Variants in TFB1M observed in about 807,000 individuals in gnomAD.
TFB1M encodes the protein transcription factor B1, mitochondrial, also known as dimethyladenosine transferase 1, mitochondrial.
Under a neutral mutation model 31.1 loss-of-function variants are expected in TFB1M, and 27 were observed. That is an observed-to-expected ratio of 0.87 (90% CI 0.64 to 1.20). TFB1M has a LOEUF of 1.20. TFB1M is among the 50% of genes most tolerant of loss of function. The probability of loss-of-function intolerance (pLI) is 0.00; values close to 1 mark genes in which losing one functional copy is unlikely to be tolerated. For synonymous variants in TFB1M, 166 were observed against 151.8 expected (o/e 1.09, Z -0.69); for missense variants, 394 against 418.7 (o/e 0.94, Z 0.51).
At chr6:155,288,390 C>T (rs962857709) in intron 4 of TFB1M, among the ~76,000 whole-genome samples, 2 of 151,984 alleles carry the variant, frequency 1.3e-5, no homozygotes, top group Non-Finnish European at 2.9e-5. Flanking sequence ...CATACAGCTA[C>T]AAAAAATGAC....
Position 155,257,714 on chromosome 6 carries a change from A to ATAAG in TFB1M, c.*118_*121dup. On this transcript the variant is annotated 3_prime_UTR_variant, in exon 7 of 7. Coordinates refer to ENST00000367166, the MANE Select transcript of TFB1M (RefSeq NM_016020.4). ...TGCCAAGCTGTATAGTAAAAGGAAAATAAGTCACATCTGGTCATTGGCATT... is the reference window on the plus strand; with the variant it reads ...TGCCAAGCTGTATAGTAAAAGGAAAATAAGTAAGTCACATCTGGTCATTGGCATT... 1 of 1,208,716 alleles carries ATAAG rather than the reference A, an allele frequency of 8.3e-7. No individual in the cohort carries two copies. The highest frequency in any genetic ancestry group is 1.5e-5 in the African/African-American group (1 of 65,820). The allele number at this position is 1,208,716 out of a possible 1,614,324, so 74.9% of individuals were successfully genotyped here.
intron 5 of TFB1M, chr6:155,276,277 A>G (rs1785209973): frequency 6.2e-7 from 1 of 1,614,060 alleles, no homozygotes; most frequent in Non-Finnish European, 8.5e-7. Context: ...CCTCCTGTAT[A>G]AAAAGGAATC....
At position 155,257,651 on chromosome 6, in the gene TFB1M, G is replaced by A. The variant is rs1276822894; in HGVS notation, c.*185C>T. On this transcript the variant is annotated 3_prime_UTR_variant, in exon 7 of 7. Transcript: ENST00000367166. ...TCTATACAGTATATATTAAAAGAAA[G>A]CTTGTACTGTATCTTATTTGATGAT... The A allele has an allele frequency of 1.6e-6, 1 of 638,212 alleles. No homozygotes were observed. The highest frequency in any genetic ancestry group is 2.8e-5 in the East Asian group (1 of 35,670). The allele number at this position is 638,212 out of a possible 1,614,324, so 39.5% of individuals were successfully genotyped here.
chr6:155,242,992 C>T, the TFB1M span, among the ~76,000 whole-genome samples: 3 of 152,002 alleles, frequency 2.0e-5, no homozygotes, highest in East Asian at 5.8e-4. Flanking sequence ...ATCCACCCGC[C>T]TCTGCCTCCC....
intron 5 of TFB1M, among the ~76,000 whole-genome samples, chr6:155,283,505 C>G (rs1344406656): frequency 6.6e-6 from 1 of 152,114 alleles, no homozygotes; most frequent in African/African-American, 2.4e-5. Flanking sequence ...TGGCCTTAAT[C>G]CCAGAGAAGG....
chr6:155,244,173 C>T, the TFB1M span: 6 of 1,207,292 alleles, frequency 5.0e-6, no homozygotes, highest in Non-Finnish European at 7.3e-6. Flanking sequence ...TCTGTTGATC[C>T]CAAAAGAACA....
downstream of TFB1M, chr6:155,255,116 G>C (rs1000115020): frequency 1.3e-5 from 2 of 153,346 alleles, no homozygotes; most frequent in African/African-American, 4.8e-5. Context: ...TTATAAAACA[G>C]GCCTTGTGTT....
intron 2 of TFB1M, among the ~76,000 whole-genome samples, chr6:155,305,473 A>AT (rs566567131): frequency 0.024 from 616 of 25,572 alleles, 220 homozygotes; most frequent in African/African-American, 0.1. Flanking sequence ...ATATAAATAT[A>AT]TATTAAATTA....
chr6:155,257,110 G>GGAAAATCATAGTATGATTC lies in TFB1M; in HGVS notation c.*707_*725dup. On this transcript the variant is annotated 3_prime_UTR_variant, in exon 7 of 7. Transcript: ENST00000367166. ...GTGTTTTTATGAAACAGAGAGCCAC[G>GGAAAATCATAGTATGATTC]GAAAATCATAGTATGATTCAATCCA... 6.2e-7 allele frequency: 1 copy of GGAAAATCATAGTATGATTC among 1,610,266 alleles called. No homozygotes were observed.
chr6:155,282,943 G>A (rs1273866504), intron 5 of TFB1M, among the ~76,000 whole-genome samples: 2 of 151,958 alleles, frequency 1.3e-5, no homozygotes, highest in Non-Finnish European at 2.9e-5. Flanking sequence ...TAGCCAGGAT[G>A]GTCTCGATCT....
At chr6:155,284,519 G>A (rs1407092972) in intron 5 of TFB1M, among the ~76,000 whole-genome samples, 1 of 152,136 alleles carries the variant, frequency 6.6e-6, no homozygotes, top group African/African-American at 2.4e-5. Context: ...TACATTCACT[G>A]AAGAAAAAGA....
At chr6:155,269,095 A>T (rs951675461) in intron 5 of TFB1M, among the ~76,000 whole-genome samples, 2 of 151,638 alleles carry the variant, frequency 1.3e-5, no homozygotes, top group African/African-American at 4.8e-5. Context: ...TGATATGTAA[A>T]GCTACAGAGA....
intron 5 of TFB1M, among the ~76,000 whole-genome samples, chr6:155,269,090 T>C (rs1254801448): frequency 3.3e-5 from 5 of 151,410 alleles, no homozygotes; most frequent in African/African-American, 1.2e-4. Context: ...AATGCTGATA[T>C]GTAAAGCTAC....
chr6:155,253,905 A>T, downstream of TFB1M: 1 of 1,201,916 alleles, frequency 8.3e-7, no homozygotes, highest in Non-Finnish European at 1.2e-6. Context: ...TTTCAACTTT[A>T]CAAGTGTTCT....
At chr6:155,269,425 G>A (rs1348711368) in intron 5 of TFB1M, among the ~76,000 whole-genome samples, 3 of 148,666 alleles carry the variant, frequency 2.0e-5, no homozygotes, top group East Asian at 2.1e-4. Flanking sequence ...GGGTTCAAGC[G>A]ATTCTCTTGC....
At chr6:155,282,422 G>A (rs756524870) in intron 5 of TFB1M, among the ~76,000 whole-genome samples, 4 of 152,182 alleles carry the variant, frequency 2.6e-5, no homozygotes, top group Admixed American at 6.5e-5. Context: ...AAAAAATCCC[G>A]AAAGTGGTTG....
At chr6:155,290,711 C>A (rs1776882652) in intron 4 of TFB1M, among the ~76,000 whole-genome samples, 1 of 152,086 alleles carries the variant, frequency 6.6e-6, no homozygotes, top group Non-Finnish European at 1.5e-5. Context: ...CTTTGTGTTT[C>A]CCCCCACACA....
downstream of TFB1M, chr6:155,256,037 T>C: frequency 5.1e-6 from 1 of 196,042 alleles, no homozygotes; most frequent in Non-Finnish European, 1.0e-5. Flanking sequence ...GGAGGGGCAT[T>C]TTCTACTTTT....
At chr6:155,244,963 T>A in the TFB1M span, 10,322 of 755,536 alleles carry the variant, frequency 0.014, 144 homozygotes, top group Non-Finnish European at 0.014. Context: ...CTGTATATAT[T>A]TTTTTTTCCT....
Sources: allele counts gnomAD v4.1 joint callset (sites outside exome capture counted in the v4.1 genomes callset), GRCh38; gene constraint gnomAD v4.1.1; transcripts MANE v1.5; gene names NCBI Gene and HGNC (gene_info 2026-07-23, HGNC 2026-07-21).